Variants in SYP observed in about 807,000 individuals in gnomAD.
The protein encoded by SYP is major synaptic vesicle protein P38.
In SYP, 2 loss-of-function variants were observed where a neutral mutation model predicts 24.3. That is an observed-to-expected ratio of 0.08 (90% CI 0.03 to 0.26). SYP has a LOEUF of 0.26. Among genes scored for constraint, SYP ranks in the 10% least tolerant of loss-of-function variants. SYP has a pLI of 1.00. For missense variants in SYP, 216 were observed against 266.3 expected (o/e 0.81, Z 1.32); for synonymous variants, 143 against 123.2 (o/e 1.16, Z -1.07).
chrX:49,191,268 T>G (rs1408633064), intron 6 of SYP, 165 bp downstream of exon 6: 52 of 549,946 alleles, frequency 9.5e-5, no homozygotes, highest in African/African-American at 6.6e-4. Context: ...GTTTTTCAGC[T>G]CTTAGCAGGT....
At chrX:49,193,210 C>G in intron 5 of SYP, 62 bp downstream of exon 5, 1 of 1,162,326 alleles carries the variant, frequency 8.6e-7, no homozygotes, top group Non-Finnish European at 1.2e-6. Context: ...CACTCCACCA[C>G]TCCCCATGCC....
chrX:49,198,567 CT>C (rs1203184671), intron 2 of SYP: 155 of 160,819 alleles, frequency 9.6e-4, no homozygotes, highest in Middle Eastern at 2.5e-3. Context: ...CTCCATATTT[CT>C]TTTTTTTTTC....
In SYP at chrX:49,197,771, A is replaced by G; in HGVS notation, c.171T>C (p.Cys57=). Residue 57 remains cysteine (C), a synonymous_variant, in exon 3 of 7, where the codon TGT becomes TGC. Coordinates refer to ENST00000263233, the MANE Select transcript of SYP (RefSeq NM_003179.3). ...YSGELQLSVD[C]ANKTESDLSI... is the part of the protein sequence containing the mutation. Reference sequence around the variant, plus strand: ...TGAGGTCACTCTCGGTCTTGTTGGCACAATCCACGCTCAGCTGGAGCTCCC... The same window carrying G: ...TGAGGTCACTCTCGGTCTTGTTGGCGCAATCCACGCTCAGCTGGAGCTCCC... The G allele has an allele frequency of 8.3e-7, 1 of 1,208,894 alleles. No individual in the cohort carries two copies. Among genetic ancestry groups the G allele is most frequent in the Non-Finnish European group, 1.1e-6 (1 of 893,910 alleles).
rs927352384 is a variant in SYP at position 49,193,261 on chromosome X, C to G, written c.615+11G>C. 1.2e-5 allele frequency: 14 copies of G among 1,209,788 alleles called. No individual in the cohort carries two copies. The Middle Eastern group carries it at 1.2e-3, about 99-fold the overall frequency. ...CCACTCTCCCTCCTCCAGCCAGCAC[C>G]CAGGGCTTACCACCGAGGTGTTGAG... On this transcript the variant is annotated intron_variant, in intron 5 of 6. Transcript: ENST00000263233.
At chrX:49,196,975 G>A (rs1329547484) in intron 3 of SYP, 2 of 110,529 alleles carry the variant, frequency 1.8e-5, no homozygotes, top group Non-Finnish European at 3.8e-5. Flanking sequence ...TATAATGTAG[G>A]CTCCATGAAG....
intron 5 of SYP, among the ~76,000 whole-genome samples, 167 bp downstream of exon 5, chrX:49,193,105 T>C (rs1208458885): frequency 8.9e-6 from 1 of 112,231 alleles, no homozygotes; most frequent in Non-Finnish European, 1.9e-5. Flanking sequence ...GGTGTCACAG[T>C]GGTTACAATT....
Position 49,193,470 on chromosome X carries a change from C to T in SYP, c.424-7G>A. On this transcript the variant is annotated splice_region_variant and splice_polypyrimidine_tract_variant and intron_variant, in intron 4 of 6. Coordinates refer to ENST00000263233, the MANE Select transcript of SYP (RefSeq NM_003179.3). ...CAGCCGTGGCCAGAAAGTCCTAAGG[C>T]AGGCAGGGGTGAGGAAGACAGCACT... 5 of 1,210,896 alleles carry T rather than the reference C, an allele frequency of 4.1e-6. No homozygotes were observed. Among genetic ancestry groups the T allele is most frequent in the Non-Finnish European group, 5.6e-6 (5 of 894,957 alleles).
chrX:49,198,452 C>T (rs963855816), intron 2 of SYP: 4 of 120,550 alleles, frequency 3.3e-5, no homozygotes, highest in African/African-American at 1.3e-4. Context: ...ACCCTGTTTT[C>T]CTGCCTCTCT....
At chrX:49,197,903 C>T in intron 2 of SYP, 64 bp from the exon 3 acceptor site, 1 of 1,195,961 alleles carries the variant, frequency 8.4e-7, no homozygotes, top group Non-Finnish European at 1.1e-6. Context: ...GAGGTGCCCT[C>T]CTCTGGACAG....
chrX:49,193,575 C>A, intron 4 of SYP, 112 bp from the exon 5 acceptor site: 1 of 860,171 alleles, frequency 1.2e-6, no homozygotes, highest in Non-Finnish European at 1.6e-6. Flanking sequence ...TCTCCCCTGC[C>A]TTTTCAGCTC....
intron 5 of SYP, among the ~76,000 whole-genome samples, chrX:49,192,439 C>T (rs2065513624): frequency 8.9e-6 from 1 of 112,522 alleles, no homozygotes; most frequent in East Asian, 2.8e-4. Flanking sequence ...GTGATCTGCC[C>T]GCCTCGGCCT....
chrX:49,191,205 C>T, intron 6 of SYP: 2 of 454,265 alleles, frequency 4.4e-6, no homozygotes, highest in Non-Finnish European at 7.7e-6. Context: ...CCCATTGGCT[C>T]TTCATTCTGT....
intron 2 of SYP, 104 bp downstream of exon 2, chrX:49,198,864 G>A (rs1602613891): frequency 1.0e-5 from 8 of 800,002 alleles, no homozygotes; most frequent in Admixed American, 5.4e-5. Context: ...TACAACCCCC[G>A]CACTCATCCC....
intron 1 of SYP, 99 bp from the exon 2 acceptor site, chrX:49,199,132 G>A: frequency 3.6e-6 from 3 of 832,690 alleles, no homozygotes; most frequent in Non-Finnish European, 5.3e-6. Context: ...TGGAGCATGT[G>A]ACCTCGGGGA....
rs782485418 is a variant in SYP at position 49,200,173 on chromosome X, G to A, written c.14C>T (p.Ala5Val). The part of the protein sequence containing the change: MLLL[A>V]DMDVVNQLVA... ...TACCTGATTCACCACGTCCATGTCC[G>A]CCAGCAGCAGCATCAGCAATGCAGG... is the stretch of plus-strand genomic sequence containing the variant. Residue 5 changes from alanine (A) to valine (V), a missense_variant, in exon 1 of 7, where the codon GCG becomes GTG. Coordinates refer to ENST00000263233, the MANE Select transcript of SYP (RefSeq NM_003179.3). The A allele has an allele frequency of 8.6e-7, 1 of 1,165,056 alleles. No homozygotes were observed. The highest frequency in any genetic ancestry group is 1.8e-5 in the African/African-American group (1 of 56,077).
chrX:49,192,016 A>G (rs1557102822), intron 5 of SYP, among the ~76,000 whole-genome samples: 3 of 112,446 alleles, frequency 2.7e-5, no homozygotes, highest in African/African-American at 9.7e-5. Context: ...TTATTTACAT[A>G]TTTGCACATA....
At chrX:49,195,605 G>A (rs781875035) in intron 3 of SYP, among the ~76,000 whole-genome samples, 4 of 111,149 alleles carry the variant, frequency 3.6e-5, no homozygotes, top group Non-Finnish European at 7.6e-5. Context: ...CTGGGACTAA[G>A]GCCTTTCCTG....
At chrX:49,191,358 A>G (rs1557102669) in intron 6 of SYP, 75 bp downstream of exon 6, 3 of 1,101,978 alleles carry the variant, frequency 2.7e-6, no homozygotes, top group African/African-American at 1.8e-5. Flanking sequence ...TCTACCCCTG[A>G]CTCTTATTGG....
At chrX:49,195,096 T>C (rs1427660673) in intron 3 of SYP, among the ~76,000 whole-genome samples, 3 of 111,116 alleles carry the variant, frequency 2.7e-5, no homozygotes, top group Non-Finnish European at 5.7e-5. Flanking sequence ...TGAAACATTC[T>C]CTCAACCAGC....
Sources: allele counts gnomAD v4.1 joint callset (sites outside exome capture counted in the v4.1 genomes callset), GRCh38; gene constraint gnomAD v4.1.1; transcripts MANE v1.5; gene names NCBI Gene and HGNC (gene_info 2026-07-23, HGNC 2026-07-21).